The following SEC14L1 variants were observed in gnomAD, a reference collection of about 807,000 sequenced individuals.
The protein encoded by SEC14L1 is SEC14-like protein 1.
Under a neutral mutation model 85.3 loss-of-function variants are expected in SEC14L1, and 48 were observed. That is an observed-to-expected ratio of 0.56 (90% CI 0.45 to 0.72). The LOEUF is 0.72. Among genes scored for constraint, SEC14L1 ranks in the 30% least tolerant of loss-of-function variants. The probability of loss-of-function intolerance (pLI) is 0.00; values close to 1 mark genes in which losing one functional copy is unlikely to be tolerated. For missense variants in SEC14L1, 682 were observed against 921.4 expected (o/e 0.74, Z 3.36); for synonymous variants, 391 against 355.5 (o/e 1.10, Z -1.12).
chr17:77,204,522 CTTTTTTTTTTTT>C (rs745921636), intron 10 of SEC14L1, among the ~76,000 whole-genome samples: 1 of 84,728 alleles, frequency 1.2e-5, no homozygotes, highest in Non-Finnish European at 2.4e-5. Flanking sequence ...GCCCAGCCAG[CTTTTTTTTTTTT>C]TTTTTTTTTT....
In SEC14L1 at chr17:77,212,017, T is replaced by C; in HGVS notation, c.1679T>C (p.Ile560Thr). The C allele has an allele frequency of 6.2e-7, 1 of 1,614,078 alleles. No individual in the cohort carries two copies. The highest frequency in any genetic ancestry group is 2.2e-5 in the East Asian group (1 of 44,874). The change falls in exon 15 of 17, where the codon ATT becomes ACT. Residue 560 changes from isoleucine to threonine, a missense_variant. Ile to Thr is a moderately conservative substitution (Grantham distance 89). This residue lies in a region of SEC14L1 where 420 missense variants were observed against 619.5 expected (regional missense o/e 0.68). Coordinates refer to ENST00000436233, the MANE Select transcript of SEC14L1 (RefSeq NM_001143998.2). ...GATTTCGACGTGTGCAAAGGGGACATTGTGTTTAACATCTATCACTCCAAG... is the reference window on the plus strand; with the variant it reads ...GATTTCGACGTGTGCAAAGGGGACACTGTGTTTAACATCTATCACTCCAAG... ...TWDFDVCKGD[I>T]VFNIYHSKRS...
chr17:77,143,898 T>G, intron 3 of SEC14L1: 1 of 366,384 alleles, frequency 2.7e-6, no homozygotes, highest in Non-Finnish European at 4.9e-6. Flanking sequence ...TTGAAGTTAA[T>G]TCTCCCTTTG....
At chr17:77,120,264 A>G (rs145896842) in intron 3 of SEC14L1, among the ~76,000 whole-genome samples, 182 of 152,274 alleles carry the variant, frequency 1.2e-3, no homozygotes, top group African/African-American at 4.2e-3. Context: ...TTAGACATGT[A>G]CATCTAGGCA....
At position 77,122,306 on chromosome 17, in the gene SEC14L1, CT is replaced by C. The variant is rs113137425; in HGVS notation, c.-135-20326del. On this transcript the variant is annotated intron_variant, in intron 3 of 19. Transcript: ENST00000392476. ...TAATTTTTATTTTCTTCTTCATCTT[CT>C]TTTTTTTTTTTTTGAGACAGCGTCT... is the stretch of plus-strand genomic sequence containing the variant. 3.9e-3 allele frequency among the ~76,000 whole-genome samples: 557 copies of C among 143,244 alleles called. 3 individuals carry two copies. Among genetic ancestry groups the C allele is most frequent in the Middle Eastern group, 7.2e-3 (2 of 278 alleles). The allele number at this position is 143,244 out of a possible 152,430, so 94.0% of individuals were successfully genotyped here.
intron 3 of SEC14L1, among the ~76,000 whole-genome samples, chr17:77,108,492 C>CT (rs1324757549): frequency 2.6e-5 from 4 of 152,254 alleles, no homozygotes; most frequent in Middle Eastern, 6.8e-3. Context: ...AATCCCAGCA[C>CT]TTTGGGAGCA....
chr17:77,207,972 G>T (rs886838938), intron 13 of SEC14L1, among the ~76,000 whole-genome samples: 2 of 152,200 alleles, frequency 1.3e-5, no homozygotes, highest in African/African-American at 4.8e-5. Context: ...AGAAGTCCCA[G>T]TGACTTGTTC....
chr17:77,160,834 AAAT>A (rs1357276173), intron 3 of SEC14L1, among the ~76,000 whole-genome samples: 3 of 151,950 alleles, frequency 2.0e-5, no homozygotes, highest in African/African-American at 7.3e-5. Flanking sequence ...TGTGGACAAC[AAAT>A]AATACTGTTT....
At chr17:77,110,984 A>G (rs1453345408) in intron 3 of SEC14L1, among the ~76,000 whole-genome samples, 1 of 151,910 alleles carries the variant, frequency 6.6e-6, no homozygotes, top group Non-Finnish European at 1.5e-5. Flanking sequence ...ACTTGAGGTC[A>G]AGAATTTGAG....
Position 77,161,736 on chromosome 17 carries a change from T to A in SEC14L1, c.63+18077T>A, listed in dbSNP as rs1224124489. Among the ~76,000 whole-genome samples, 7 of 131,886 alleles carry A rather than the reference T, an allele frequency of 5.3e-5. No homozygotes were observed. The East Asian group carries it at 6.1e-4, about 12-fold the overall frequency. The allele number at this position is 131,886 out of a possible 152,430, so 86.5% of individuals were successfully genotyped here. A position where few individuals can be genotyped will look rare whatever the true frequency, so the allele number is the denominator to read the frequency against. On this transcript the variant is annotated intron_variant, in intron 3 of 16. Transcript: ENST00000436233. ...TCTTTTTTTTTTTTTTTTTTTTTTT[T>A]AAACAACCAGAGGTTAAGGAAGGGA... is the stretch of plus-strand genomic sequence containing the variant.
chr17:77,091,007 C>A (rs1031802510), intron 2 of SEC14L1, among the ~76,000 whole-genome samples: 3 of 151,392 alleles, frequency 2.0e-5, no homozygotes, highest in Non-Finnish European at 4.4e-5. Context: ...CCAGGCCATA[C>A]AGGGCCTTGC....
intron 3 of SEC14L1, among the ~76,000 whole-genome samples, chr17:77,129,003 T>C (rs1972533724): frequency 6.6e-6 from 1 of 152,192 alleles, no homozygotes; most frequent in Admixed American, 6.5e-5. Flanking sequence ...TGTTGGTCTT[T>C]TGAACAATTT....
At chr17:77,094,668 G>C (rs1371377900) in intron 3 of SEC14L1, 1 of 151,896 alleles carries the variant, frequency 6.6e-6, no homozygotes, top group South Asian at 2.1e-4. Flanking sequence ...GGTTTCACAT[G>C]TTGGCCAGGC....
intron 3 of SEC14L1, among the ~76,000 whole-genome samples, chr17:77,165,458 C>T (rs987219576): frequency 1.3e-5 from 2 of 152,002 alleles, no homozygotes; most frequent in Admixed American, 6.6e-5. Context: ...GAGGGGGTCT[C>T]CAGGTCGCAG....
chr17:77,204,768 G>A (rs1161451827), intron 10 of SEC14L1, among the ~76,000 whole-genome samples: 1 of 152,074 alleles, frequency 6.6e-6, no homozygotes, highest in African/African-American at 2.4e-5. Flanking sequence ...ACCGCTATGT[G>A]TGTTTATATA....
chr17:77,158,890 C>G (rs191432339), intron 3 of SEC14L1, among the ~76,000 whole-genome samples: 1,436 of 137,620 alleles, frequency 0.01, 29 homozygotes, highest in African/African-American at 0.037. Context: ...CGACTCACTG[C>G]AACCTCCACC....
intron 3 of SEC14L1, among the ~76,000 whole-genome samples, chr17:77,184,343 C>T (rs1334264026): frequency 2.6e-5 from 4 of 152,168 alleles, no homozygotes; most frequent in South Asian, 2.1e-4. Flanking sequence ...GAATGCCTTA[C>T]GTTAGCATTC....
In SEC14L1 at chr17:77,099,206, A is replaced by G. The variant is rs140235108; in HGVS notation, c.-136+5859A>G. ...GCAAAACATTTAGATAATTTTATTG[A>G]ATTAAAATAAGACTTCCACTCTCTT... On this transcript the variant is annotated intron_variant, in intron 3 of 19. Transcript: ENST00000392476. The G allele has an allele frequency of 1.1e-3, 172 of 152,334 alleles. 2 individuals are homozygous for G. Among genetic ancestry groups the G allele is most frequent in the African/African-American group, 3.7e-3 (155 of 41,582 alleles). The allele number at this position is 152,334 out of a possible 1,614,324, so 9.4% of individuals were successfully genotyped here.
At chr17:77,109,210 G>T (rs953938181) in intron 3 of SEC14L1, among the ~76,000 whole-genome samples, 6 of 152,208 alleles carry the variant, frequency 3.9e-5, no homozygotes, top group Admixed American at 6.6e-5. Context: ...TTCTTTGTAA[G>T]GCAGGAAGAG....
chr17:77,214,218 A>G lies in SEC14L1; in HGVS notation c.*195A>G. 7.2e-7 allele frequency: 1 copy of G among 1,389,920 alleles called. No homozygotes were observed. The highest frequency in any genetic ancestry group is 9.3e-7 in the Non-Finnish European group (1 of 1,075,438). 86.1% of individuals were successfully genotyped at this position (1,389,920 alleles called of 1,614,324 possible). On this transcript the variant is annotated 3_prime_UTR_variant, in exon 17 of 17. Coordinates refer to ENST00000436233, the MANE Select transcript of SEC14L1 (RefSeq NM_001143998.2). ...GTAGTTTTAACTCTGATCCTAACTTAACTCAATAGCCATAGATTTTGTATA... is the reference window on the plus strand; with the variant it reads ...GTAGTTTTAACTCTGATCCTAACTTGACTCAATAGCCATAGATTTTGTATA...
Sources: allele counts gnomAD v4.1 joint callset (sites outside exome capture counted in the v4.1 genomes callset), GRCh38; gene constraint gnomAD v4.1.1; regional missense constraint gnomAD v4.1.1; transcripts MANE v1.5; gene names NCBI Gene and HGNC (gene_info 2026-07-23, HGNC 2026-07-21).